The following TACR3 variants were observed in gnomAD, a reference collection of about 807,000 sequenced individuals.
TACR3 encodes neuromedin-K receptor.
A neutral mutation model predicts 35.0 loss-of-function variants in TACR3; 34 were observed. The observed-to-expected ratio is 0.97, with a 90% CI of 0.74 to 1.30. TACR3 has a LOEUF of 1.30. Among genes scored for constraint, TACR3 ranks in the 50% most tolerant of loss-of-function variants. The pLI is 0.00. For missense variants in TACR3, 558 were observed against 591.7 expected, an observed-to-expected ratio of 0.94 and a Z score of 0.59; for synonymous variants, 233 against 221.1, an observed-to-expected ratio of 1.05 and a Z score of -0.48.
intron 3 of TACR3, among the ~76,000 whole-genome samples, chr4:103,648,884 G>T (rs1307464583): frequency 2.6e-5 from 4 of 152,056 alleles, no homozygotes; most frequent in Admixed American, 2.6e-4. Flanking sequence ...CATAGTGTTT[G>T]TGTTAATTTA....
At chr4:103,708,431 C>A (rs991956892) in intron 1 of TACR3, among the ~76,000 whole-genome samples, 25 of 152,206 alleles carry the variant, frequency 1.6e-4, no homozygotes, top group Admixed American at 1.3e-4. Context: ...ACCAACAGAC[C>A]TGCAGCTGAG....
In TACR3 at chr4:103,588,638, G is replaced by A. The variant is rs747460514; in HGVS notation, c.*1044C>T. 1.3e-4 allele frequency: 20 copies of A among 151,982 alleles called. No homozygotes were observed. The highest frequency in any genetic ancestry group is 3.9e-4 in the East Asian group (2 of 5,194). 9.4% of individuals were successfully genotyped at this position (151,982 alleles called of 1,614,324 possible). On this transcript the variant is annotated 3_prime_UTR_variant, in exon 5 of 5. Coordinates refer to ENST00000304883, the MANE Select transcript of TACR3 (RefSeq NM_001059.3). ...TGTATCCAAACTATTGTGCAGATTC[G>A]TTTTCTAAGAGGTAATTCACTTGTC...
At chr4:103,666,739 G>T (rs1351624) in intron 1 of TACR3, among the ~76,000 whole-genome samples, 31,088 of 151,922 alleles carry the variant, frequency 0.2, 4,419 homozygotes, top group East Asian at 0.42. Flanking sequence ...TATAAAACTT[G>T]CTAAATTTTT....
intron 3 of TACR3, among the ~76,000 whole-genome samples, chr4:103,600,686 C>T (rs1229842272): frequency 2.0e-5 from 3 of 152,160 alleles, no homozygotes; most frequent in African/African-American, 7.2e-5. Context: ...TTTCAAAGAA[C>T]ATCTTTATTT....
intron 3 of TACR3, among the ~76,000 whole-genome samples, chr4:103,634,658 C>A (rs1261290035): frequency 6.6e-6 from 1 of 152,074 alleles, no homozygotes; most frequent in Non-Finnish European, 1.5e-5. Flanking sequence ...AATTTAACTT[C>A]TTCAACAATT....
intron 3 of TACR3, among the ~76,000 whole-genome samples, chr4:103,600,333 G>C: frequency 6.6e-6 from 1 of 152,164 alleles, no homozygotes; most frequent in African/African-American, 2.4e-5. Flanking sequence ...GGGTCTATTT[G>C]ATTCTTCTCT....
intron 1 of TACR3, among the ~76,000 whole-genome samples, chr4:103,682,490 AACTC>A (rs1339653373): frequency 1.3e-5 from 2 of 152,066 alleles, no homozygotes; most frequent in Non-Finnish European, 2.9e-5. Flanking sequence ...ATCTTGTGAG[AACTC>A]ACTCACTATC....
chr4:103,718,590 C>A (rs987486268), intron 1 of TACR3, among the ~76,000 whole-genome samples: 2 of 152,122 alleles, frequency 1.3e-5, no homozygotes, highest in Non-Finnish European at 2.9e-5. Context: ...TTTGCTAGTT[C>A]TTGGTGACTG....
intron 2 of TACR3, among the ~76,000 whole-genome samples, chr4:103,657,584 A>G (rs181117224): frequency 1.3e-5 from 2 of 152,178 alleles, no homozygotes; most frequent in Admixed American, 1.3e-4. Flanking sequence ...TAAGTACATT[A>G]TTAAAATAAA....
chr4:103,711,607 C>T (rs984223448), intron 1 of TACR3, among the ~76,000 whole-genome samples: 2 of 152,160 alleles, frequency 1.3e-5, no homozygotes, highest in African/African-American at 2.4e-5. Flanking sequence ...CCTCTCTCAA[C>T]ACTCCTATTC....
chr4:103,691,720 C>T (rs2110217239), intron 1 of TACR3, among the ~76,000 whole-genome samples: 1 of 152,266 alleles, frequency 6.6e-6, no homozygotes, highest in East Asian at 1.9e-4. Flanking sequence ...GCAAGGAACA[C>T]CCGGCCTGCC....
At chr4:103,655,259 AAGTG>A (rs1455933399) in intron 3 of TACR3, among the ~76,000 whole-genome samples, 2 of 152,136 alleles carry the variant, frequency 1.3e-5, no homozygotes, top group African/African-American at 4.8e-5. Context: ...GATCACTGTT[AAGTG>A]AGTTTTTGTA....
intron 1 of TACR3, among the ~76,000 whole-genome samples, chr4:103,667,058 G>A (rs911619274): frequency 6.6e-6 from 1 of 152,118 alleles, no homozygotes; most frequent in Non-Finnish European, 1.5e-5. Context: ...AGAAGTTCAA[G>A]ACCAGCCTGG....
intron 1 of TACR3, among the ~76,000 whole-genome samples, chr4:103,674,749 A>G (rs577873234): frequency 6.6e-6 from 1 of 152,200 alleles, no homozygotes; most frequent in Non-Finnish European, 1.5e-5. Context: ...ATGGGGTTTC[A>G]CCATGTTGGC....
chr4:103,628,272 A>G (rs1015974909), intron 3 of TACR3, among the ~76,000 whole-genome samples: 5 of 152,220 alleles, frequency 3.3e-5, no homozygotes, highest in African/African-American at 1.2e-4. Flanking sequence ...AAAAGCTAGC[A>G]GAAGGCAAGA....
At chr4:103,703,761 G>A (rs1237204345) in intron 1 of TACR3, among the ~76,000 whole-genome samples, 1 of 152,074 alleles carries the variant, frequency 6.6e-6, no homozygotes, top group Non-Finnish European at 1.5e-5. Flanking sequence ...ACCCTATGAT[G>A]AGAGAACTGC....
chr4:103,607,536 C>T (rs1469242543), intron 3 of TACR3, among the ~76,000 whole-genome samples: 5 of 151,922 alleles, frequency 3.3e-5, no homozygotes, highest in African/African-American at 1.2e-4. Context: ...GTTTTTGTCT[C>T]TAGCAGGCTG....
intron 1 of TACR3, among the ~76,000 whole-genome samples, chr4:103,710,061 G>A (rs1408319077): frequency 1.3e-5 from 2 of 152,254 alleles, no homozygotes; most frequent in South Asian, 4.1e-4. Context: ...AATAATGCAA[G>A]ACTTTAACAC....
rs564307496 is a variant in TACR3, at chr4:103,588,134, T to C, written c.*1548A>G. On this transcript the variant is annotated 3_prime_UTR_variant, in exon 5 of 5. Coordinates refer to ENST00000304883, the MANE Select transcript of TACR3 (RefSeq NM_001059.3). ...CAAAATAGGGAAGAGATTTGAGAAA[T>C]AGACCATGATTTGCCATTGAATATT... is the stretch of plus-strand genomic sequence containing the variant. The C allele has an allele frequency of 6.6e-6, 1 of 152,218 alleles. No homozygotes were observed. Among genetic ancestry groups the C allele is most frequent in the African/African-American group, 2.4e-5 (1 of 41,556 alleles). The allele number at this position is 152,218 out of a possible 1,614,324, so 9.4% of individuals were successfully genotyped here.
Sources: allele counts gnomAD v4.1 joint callset (sites outside exome capture counted in the v4.1 genomes callset), GRCh38; gene constraint gnomAD v4.1.1; transcripts MANE v1.5; gene names NCBI Gene and HGNC (gene_info 2026-07-23, HGNC 2026-07-21).